ZNF565: variants seen among roughly 807,000 people sequenced by gnomAD.
ZNF565 encodes the protein zinc finger protein 565.
ZNF565 carries 27 observed loss-of-function variants against 39.4 expected under a neutral mutation model. The ratio of observed to expected loss-of-function variants is 0.69; its 90% CI spans 0.51 to 0.95. The LOEUF (loss-of-function observed/expected upper bound fraction) is 0.95. Among genes scored for constraint, ZNF565 ranks in the 40% least tolerant of loss-of-function variants. The pLI is 0.00. For missense variants in ZNF565, 524 were observed against 621.1 expected, an observed-to-expected ratio of 0.84 and a Z score of 1.66; for synonymous variants, 185 against 216.6, an observed-to-expected ratio of 0.85 and a Z score of 1.28.
At chr19:36,232,236 TATGA>T (rs1435044401) in intron 1 of ZNF565, among the ~76,000 whole-genome samples, 2 of 150,852 alleles carry the variant, frequency 1.3e-5, no homozygotes, top group Non-Finnish European at 3.0e-5. Flanking sequence ...TGACTACAAA[TATGA>T]ACATATTTCT....
At chr19:36,240,381 A>G (rs1210903436) in intron 1 of ZNF565, among the ~76,000 whole-genome samples, 1 of 152,070 alleles carries the variant, frequency 6.6e-6, no homozygotes, top group African/African-American at 2.4e-5. Flanking sequence ...TGATTGCACC[A>G]CTATATTGCA....
At chr19:36,215,456 T>C (rs1976560407), upstream of ZNF565, among the ~76,000 whole-genome samples, 1 of 152,112 alleles carries the variant, frequency 6.6e-6, no homozygotes, top group Non-Finnish European at 1.5e-5. Flanking sequence ...GAGGGAGATG[T>C]AGGAGACCAG....
intron 1 of ZNF565, among the ~76,000 whole-genome samples, chr19:36,207,137 A>G (rs995315748): frequency 1.3e-5 from 2 of 152,216 alleles, no homozygotes; most frequent in Admixed American, 1.3e-4. Context: ...AGAGAGAGCT[A>G]GAAGCCAGAT....
intron 1 of ZNF565, among the ~76,000 whole-genome samples, chr19:36,209,438 T>G (rs963883625): frequency 5.3e-5 from 8 of 152,096 alleles, no homozygotes; most frequent in African/African-American, 1.9e-4. Context: ...GAGGTTGCTG[T>G]GAGCCGAGAT....
intron 1 of ZNF565, among the ~76,000 whole-genome samples, chr19:36,212,812 A>C (rs1309375604): frequency 6.6e-6 from 1 of 152,180 alleles, no homozygotes; most frequent in Non-Finnish European, 1.5e-5. Flanking sequence ...AGACCAGGTT[A>C]CTTTGGTAGG....
chr19:36,225,466 A>G (rs1331413399), intron 1 of ZNF565, among the ~76,000 whole-genome samples: 1 of 149,732 alleles, frequency 6.7e-6, no homozygotes, highest in Non-Finnish European at 1.5e-5. Flanking sequence ...TCTTAAGTTC[A>G]TTTTGTTATG....
At chr19:36,205,540 G>A (rs10412772) in intron 1 of ZNF565, among the ~76,000 whole-genome samples, 5,992 of 151,988 alleles carry the variant, frequency 0.039, 364 homozygotes, top group African/African-American at 0.14. Flanking sequence ...AAACAAAAAA[G>A]AAAGAAAAAG....
chr19:36,186,979 T>C (rs951020094), intron 4 of ZNF565, among the ~76,000 whole-genome samples: 8 of 151,878 alleles, frequency 5.3e-5, no homozygotes, highest in East Asian at 1.9e-4. Flanking sequence ...TCACCTGAGG[T>C]TGGGAGTTTG....
intron 1 of ZNF565, chr19:36,237,180 A>C (rs770384302): frequency 6.2e-7 from 1 of 1,614,182 alleles, no homozygotes; most frequent in South Asian, 1.1e-5. Context: ...GAATGTGGGA[A>C]AGCTTTCTCT....
At chr19:36,221,284 C>CTTTTTTTTT (rs74172797) in intron 1 of ZNF565, among the ~76,000 whole-genome samples, 8 of 98,702 alleles carry the variant, frequency 8.1e-5, no homozygotes, top group African/African-American at 1.7e-4. Flanking sequence ...TAAGGGACTG[C>CTTTTTTTTT]TTTTTTTTTT....
intron 1 of ZNF565, among the ~76,000 whole-genome samples, chr19:36,225,657 T>G (rs374931995): frequency 7.9e-5 from 12 of 151,904 alleles, no homozygotes; most frequent in East Asian, 5.8e-4. Flanking sequence ...ACGCTGGTCT[T>G]GAACTCCTGG....
chr19:36,186,864 C>T (rs957130528), intron 4 of ZNF565, among the ~76,000 whole-genome samples: 3 of 151,922 alleles, frequency 2.0e-5, no homozygotes, highest in Admixed American at 2.0e-4. Context: ...ACAAGTAACA[C>T]ACTTTAAGAC....
intron 4 of ZNF565, among the ~76,000 whole-genome samples, chr19:36,190,533 G>A (rs1376379262): frequency 2.7e-5 from 4 of 148,174 alleles, no homozygotes; most frequent in East Asian, 2.0e-4. Context: ...CGGAGATCTC[G>A]CCATTGCACT....
At chr19:36,210,863 G>A (rs547894602) in intron 1 of ZNF565, among the ~76,000 whole-genome samples, 15 of 152,126 alleles carry the variant, frequency 9.9e-5, no homozygotes, top group South Asian at 6.2e-4. Context: ...CTGGGGCAGG[G>A]AAAGTACCAC....
At chr19:36,210,667 C>T (rs1239744943) in intron 1 of ZNF565, among the ~76,000 whole-genome samples, 2 of 151,566 alleles carry the variant, frequency 1.3e-5, no homozygotes, top group African/African-American at 4.9e-5. Flanking sequence ...TTTCATCACC[C>T]AGGCTGGAAT....
At position 36,183,229 on chromosome 19, in the gene ZNF565, G is replaced by A. The variant is rs1599905619; in HGVS notation, c.737C>T (p.Thr246Ile). The A allele has an allele frequency of 6.2e-7, 1 of 1,614,148 alleles. No homozygotes were observed. The highest frequency in any genetic ancestry group is 8.5e-7 in the Non-Finnish European group (1 of 1,180,046). The part of the protein sequence containing the change: ...SELILHQRLH[T>I]GVKPYECKEC... ...TTTACATTCATAAGGTTTGACACCA[G>A]TATGAAGTCTCTGATGTAGAATAAG... Residue 246 changes from threonine (T) to isoleucine (I), a missense_variant, in exon 5 of 5, where the codon ACT (threonine) becomes ATT (isoleucine). Physicochemically the swap from Thr to Ile is moderately conservative, Grantham distance 89. Transcript: ENST00000304116.
At chr19:36,218,093 A>ATTTTTTTTTTTTTT (rs745884262), upstream of ZNF565, 2 of 108,646 alleles carry the variant, frequency 1.8e-5, no homozygotes, top group African/African-American at 3.6e-5. Flanking sequence ...GCATGAGCTA[A>ATTTTTTTTTTTTTT]TTTTTTTTTT....
chr19:36,230,674 C>T (rs1012639856), intron 1 of ZNF565, among the ~76,000 whole-genome samples: 5 of 152,092 alleles, frequency 3.3e-5, no homozygotes, highest in South Asian at 2.1e-4. Flanking sequence ...TGATCAGGGC[C>T]GTGGGCTGGA....
chr19:36,221,280 ACTG>A (rs1976823195), intron 1 of ZNF565, among the ~76,000 whole-genome samples: 2 of 136,436 alleles, frequency 1.5e-5, no homozygotes, highest in East Asian at 4.3e-4. Context: ...AGGTTAAGGG[ACTG>A]CTTTTTTTTT....
Sources: allele counts gnomAD v4.1 joint callset (sites outside exome capture counted in the v4.1 genomes callset), GRCh38; gene constraint gnomAD v4.1.1; transcripts MANE v1.5; gene names NCBI Gene and HGNC (gene_info 2026-07-23, HGNC 2026-07-21).